Variants in KRT33B observed in about 807,000 individuals in gnomAD.
KRT33B encodes keratin, type I cuticular Ha3-II.
Under a neutral mutation model 42.7 loss-of-function variants are expected in KRT33B, and 37 were observed. The observed-to-expected ratio is 0.87, with a 90% CI of 0.67 to 1.14. The LOEUF (loss-of-function observed/expected upper bound fraction) is 1.14, where lower values mean the gene tolerates loss of function less well. KRT33B is among the 50% of genes most tolerant of loss of function. The probability of loss-of-function intolerance (pLI) is 0.00; values close to 1 mark genes in which losing one functional copy is unlikely to be tolerated. For missense variants in KRT33B, 523 were observed against 515.1 expected (o/e 1.02, Z -0.15); for synonymous variants, 237 against 221.2 (o/e 1.07, Z -0.63).
Position 41,367,897 on chromosome 17 carries a change from G to GA in KRT33B, c.431+10dup, listed in dbSNP as rs766165753. On this transcript the variant is annotated intron_variant, in intron 2 of 6. Transcript: ENST00000251646. ...GTTACTAGACTGCTCTGATGGTTAGGAAAATCTTACTTGGTTCTGAAGTCA... is the reference window on the plus strand; with the variant it reads ...GTTACTAGACTGCTCTGATGGTTAGGAAAAATCTTACTTGGTTCTGAAGTCA... 1.2e-6 allele frequency: 2 copies of GA among 1,611,874 alleles called. No homozygotes were observed. Among genetic ancestry groups the GA allele is most frequent in the South Asian group, 2.2e-5 (2 of 91,070 alleles).
chr17:41,364,795 C>A lies in KRT33B; in HGVS notation c.1081G>T (p.Glu361Ter). The A allele has an allele frequency of 1.9e-6, 3 of 1,612,878 alleles. No individual in the cohort carries two copies. The highest frequency in any genetic ancestry group is 2.5e-6 in the Non-Finnish European group (3 of 1,179,952). ...GGTACTCACTTGCAGTCCTCGCTCT[C>A]CAGCAGGCTCCGGTATGTGTTGATC... ...CEINTYRSLL[E>*]SEDCKLPSNP... The change falls in exon 6 of 7, where the codon GAG (glutamate) becomes TAG (stop). Residue 361 changes from glutamate (E) to a stop codon, truncating the protein, a stop_gained. Coordinates refer to ENST00000251646, the MANE Select transcript of KRT33B (RefSeq NM_002279.5). LOFTEE classifies it high-confidence loss of function.
At chr17:41,365,618 G>A in intron 3 of KRT33B, 65 bp from the exon 4 acceptor site, 1 of 1,551,530 alleles carries the variant, frequency 6.4e-7, no homozygotes. Flanking sequence ...CTTTGAGGCA[G>A]TTCAATATAA....
chr17:41,364,888 T>A lies in KRT33B; in HGVS notation c.988A>T (p.Ser330Cys). The A allele has an allele frequency of 1.2e-6, 2 of 1,613,326 alleles. No homozygotes were observed. Among genetic ancestry groups the A allele is most frequent in the Non-Finnish European group, 1.7e-6 (2 of 1,180,042 alleles). Residue 330 changes from serine to cysteine, a missense_variant, in exon 6 of 7, where the codon AGT (serine) becomes TGT (cysteine). Coordinates refer to ENST00000251646, the MANE Select transcript of KRT33B (RefSeq NM_002279.5). ...TCCTGGTTCTGCCGCTCCAGGTCAC[T>A]GCGGATCTCCGCCAGCTGGGACTCC... ...NVESQLAEIR[S>C]DLERQNQEYQ...
Position 41,363,613 on chromosome 17 carries a change from A to G in KRT33B, c.*223T>C. ...GTCACAGCTCCAACCTCTGACCATC[A>G]GAACTCAGACTGACTACAGGAGAGG... On this transcript the variant is annotated 3_prime_UTR_variant, in exon 7 of 7. Transcript: ENST00000251646. 1 of 406,304 alleles carries G rather than the reference A, an allele frequency of 2.5e-6. No individual in the cohort carries two copies. The highest frequency in any genetic ancestry group is 3.5e-5 in the East Asian group (1 of 28,410). 25.2% of individuals were successfully genotyped at this position (406,304 alleles called of 1,614,324 possible).
intron 6 of KRT33B, 66 bp downstream of exon 6, chr17:41,364,713 C>T (rs2017671081): frequency 6.3e-7 from 1 of 1,588,438 alleles, no homozygotes; most frequent in African/African-American, 1.4e-5. Flanking sequence ...TTTTCAAAGT[C>T]TCTGTTTTAT....
chr17:41,366,314 C>T (rs1319883579), intron 3 of KRT33B, among the ~76,000 whole-genome samples, 156 bp downstream of exon 3: 1 of 151,384 alleles, frequency 6.6e-6, no homozygotes, highest in Non-Finnish European at 1.5e-5. Flanking sequence ...AAAAGGTAAG[C>T]TGTCACTCAT....
Position 41,366,575 on chromosome 17 carries a change from G to A in KRT33B, c.483C>T (p.Ser161=). 1.2e-6 allele frequency: 2 copies of A among 1,612,410 alleles called. No individual in the cohort carries two copies. The highest frequency in any genetic ancestry group is 2.2e-5 in the South Asian group (2 of 91,044). The stretch of plus-strand genomic sequence containing the variant: ...TCAGCTCATCCAGAATCCTGCGCAG[G>A]CTGTTGATGTCGGACTCCACCAGCT... ...LRQLVESDIN[S]LRRILDELTL... The change falls in exon 3 of 7, where the codon AGC becomes AGT. Residue 161 remains serine, a synonymous_variant. Transcript: ENST00000251646.
Position 41,364,007 on chromosome 17 carries a change from G to A in KRT33B, c.1098-54C>T. ...CATGAGAAGGGTGATTCAAACAAGG[G>A]AGACTCAATCCAAAGAGACACAGAA... is the stretch of plus-strand genomic sequence containing the variant. On this transcript the variant is annotated intron_variant, in intron 6 of 6. Transcript: ENST00000251646. The A allele has an allele frequency of 2.4e-6, 3 of 1,239,522 alleles. 1 individual carries two copies. Among genetic ancestry groups the A allele is most frequent in the Middle Eastern group, 1.9e-4 (1 of 5,220 alleles). 76.8% of individuals were successfully genotyped at this position (1,239,522 alleles called of 1,614,324 possible).
At chr17:41,365,108 A>G in intron 5 of KRT33B, 67 bp downstream of exon 5, 15 of 1,609,424 alleles carry the variant, frequency 9.3e-6, no homozygotes, top group Non-Finnish European at 1.2e-5. Context: ...GTGTGGCCCC[A>G]AGGGCATCCC....
chr17:41,369,378 G>A (rs762234768), intron 1 of KRT33B, 25 bp downstream of exon 1: 21 of 1,610,660 alleles, frequency 1.3e-5, no homozygotes, highest in Non-Finnish European at 1.8e-5. Context: ...TCATTAAGCT[G>A]GCAGTGTGGT....
intron 3 of KRT33B, among the ~76,000 whole-genome samples, 183 bp from the exon 4 acceptor site, chr17:41,365,736 G>A (rs970763700): frequency 2.6e-5 from 4 of 151,112 alleles, no homozygotes; most frequent in Non-Finnish European, 4.4e-5. Context: ...TGTATGATAC[G>A]GCTGCTTCAT....
In KRT33B at chr17:41,366,383, G is replaced by A. The variant is rs963062986; in HGVS notation, c.588+87C>T. 1.1e-5 allele frequency: 16 copies of A among 1,505,262 alleles called. No individual in the cohort carries two copies. In the African/African-American group the frequency reaches 2.0e-4, roughly 19 times the overall value. 93.2% of individuals were successfully genotyped at this position (1,505,262 alleles called of 1,614,324 possible). A position where few individuals can be genotyped will look rare whatever the true frequency, so the allele number is the denominator to read the frequency against. On this transcript the variant is annotated intron_variant, in intron 3 of 6. Coordinates refer to ENST00000251646, the MANE Select transcript of KRT33B (RefSeq NM_002279.5). ...CCAGCAAAATGTTGTTAGGCCTAGG[G>A]TGCTTAGCAAATCAAATCCTACCTT...
At chr17:41,365,073 A>G in intron 5 of KRT33B, 74 bp from the exon 6 acceptor site, 2 of 1,608,516 alleles carry the variant, frequency 1.2e-6, no homozygotes, top group South Asian at 1.1e-5. Context: ...GAAAAAACTC[A>G]CAAGCTCCAA....
intron 3 of KRT33B, 59 bp downstream of exon 3, chr17:41,366,411 C>T (rs1323416552): frequency 1.3e-6 from 2 of 1,591,096 alleles, no homozygotes; most frequent in Admixed American, 1.7e-5. Flanking sequence ...CCTACCTTAT[C>T]CTATTCAGGG....
At chr17:41,364,494 G>A (rs756817707) in intron 6 of KRT33B, among the ~76,000 whole-genome samples, 1 of 151,344 alleles carries the variant, frequency 6.6e-6, no homozygotes, top group Non-Finnish European at 1.5e-5. Context: ...CCTTTTTGTG[G>A]TGACAAGACA....
At chr17:41,366,355 C>G in intron 3 of KRT33B, 115 bp downstream of exon 3, 1 of 1,241,660 alleles carries the variant, frequency 8.1e-7, no homozygotes, top group Non-Finnish European at 1.1e-6. Context: ...ATGTTTTGAG[C>G]AACCAGCAAA....
Position 41,363,548 on chromosome 17 carries a change from G to T in KRT33B, c.*288C>A. The stretch of plus-strand genomic sequence containing the variant: ...GGCGATTTGGGGAACTGCAATAAAG[G>T]TAGAAGCAGCAGAGAGAACAAAACA... On this transcript the variant is annotated 3_prime_UTR_variant, in exon 7 of 7. Transcript: ENST00000251646. The T allele has an allele frequency of 6.3e-6, 2 of 315,428 alleles. No individual in the cohort carries two copies. Among genetic ancestry groups the T allele is most frequent in the South Asian group, 3.0e-4 (2 of 6,648 alleles). 19.5% of individuals were successfully genotyped at this position (315,428 alleles called of 1,614,324 possible).
In KRT33B at chr17:41,368,231, T is replaced by C. The variant is rs112308796; in HGVS notation, c.349-241A>G. Among the ~76,000 whole-genome samples, 11 of 151,404 alleles carry C rather than the reference T, an allele frequency of 7.3e-5. 1 individual carries two copies. The highest frequency in any genetic ancestry group is 2.7e-4 in the African/African-American group (11 of 40,714). On this transcript the variant is annotated intron_variant, in intron 1 of 6. Transcript: ENST00000251646. ...TTCTGGCTTCCTGCAATAATTAGGT[T>C]ACTGGGTATCCAACCCTTCGGTTGG...
rs1001546133 is a variant in KRT33B at position 41,365,070 on chromosome 17, C to T, written c.877-71G>A. The T allele has an allele frequency of 5.0e-6, 8 of 1,608,324 alleles. No homozygotes were observed. In the East Asian group the frequency reaches 6.7e-5, roughly 13 times the overall value. On this transcript the variant is annotated intron_variant, in intron 5 of 6. Transcript: ENST00000251646. ...GGTTCCTCCATGGGGTTCGAAAAAA[C>T]TCACAAGCTCCAAGAGCTAAGAAGA...
Sources: gnomAD v4.1 joint callset for allele counts (sites outside exome capture counted in the v4.1 genomes callset) on GRCh38, gnomAD v4.1.1 for gene constraint, MANE v1.5 for transcripts, NCBI Gene and HGNC (gene_info 2026-07-23, HGNC 2026-07-21) for gene names.